Variants in ATP5MF observed in about 807,000 individuals in gnomAD.
ATP5MF encodes ATP synthase F(0) complex subunit f, mitochondrial.
A neutral mutation model predicts 13.8 loss-of-function variants in ATP5MF; 10 were observed. That is an observed-to-expected ratio of 0.72 (90% CI 0.45 to 1.23). The LOEUF (loss-of-function observed/expected upper bound fraction) is 1.23, where lower values mean the gene tolerates loss of function less well. Among genes scored for constraint, ATP5MF ranks in the 50% most tolerant of loss-of-function variants. The pLI is 0.00. For missense variants in ATP5MF, 122 were observed against 118.2 expected, an observed-to-expected ratio of 1.03 and a Z score of -0.15; for synonymous variants, 40 against 45.8, an observed-to-expected ratio of 0.87 and a Z score of 0.51.
At chr7:99,458,675 TA>T (rs921369359) in intron 3 of ATP5MF, among the ~76,000 whole-genome samples, 2 of 151,384 alleles carry the variant, frequency 1.3e-5, no homozygotes, top group Admixed American at 1.3e-4. Flanking sequence ...GAGGTGGGGG[TA>T]GGGGGTGTAC....
intron 1 of ATP5MF, chr7:99,460,653 C>G (rs1413080916): frequency 4.9e-6 from 2 of 404,460 alleles, no homozygotes; most frequent in African/African-American, 2.1e-5. Flanking sequence ...GGGGTCAGGA[C>G]TGGCCCTCCT....
intron 1 of ATP5MF, among the ~76,000 whole-genome samples, chr7:99,462,869 C>T (rs1273821650): frequency 1.3e-5 from 2 of 152,222 alleles, no homozygotes; most frequent in South Asian, 2.1e-4. Flanking sequence ...TACACACACC[C>T]GCTCCTCTGC....
chr7:99,466,135 A>T lies in ATP5MF; in HGVS notation c.7T>A (p.Ser3Thr). The change falls in exon 1 of 4, where the codon TCA becomes ACA. Residue 3 changes from serine (S) to threonine (T), a missense_variant. Transcript: ENST00000292475. MA[S>T]VGECPAPVPV... ...CCTGGGGCCGGACACTCACCAACTG[A>T]CGCCATTTTGGAGTCCTGGTGTCCG... 2 of 1,614,126 alleles carry T rather than the reference A, an allele frequency of 1.2e-6. No individual in the cohort carries two copies. Among genetic ancestry groups the T allele is most frequent in the Non-Finnish European group, 1.7e-6 (2 of 1,180,016 alleles).
chr7:99,464,390 G>A (rs1012473691), intron 1 of ATP5MF, among the ~76,000 whole-genome samples: 37 of 152,222 alleles, frequency 2.4e-4, no homozygotes, highest in Non-Finnish European at 3.7e-4. Flanking sequence ...GAGGCCGGGC[G>A]CAGTGGCTCA....
At chr7:99,465,118 G>A (rs1320826044) in intron 1 of ATP5MF, among the ~76,000 whole-genome samples, 1 of 151,848 alleles carries the variant, frequency 6.6e-6, no homozygotes, top group Non-Finnish European at 1.5e-5. Context: ...AAATTAGCTG[G>A]GCATGGTGGC....
intron 1 of ATP5MF, among the ~76,000 whole-genome samples, chr7:99,463,487 A>G (rs1458870915): frequency 1.3e-5 from 2 of 152,152 alleles, no homozygotes; most frequent in Non-Finnish European, 2.9e-5. Flanking sequence ...AAAACAAAAA[A>G]CCATTCTAGG....
chr7:99,461,428 T>C (rs540233050), intron 1 of ATP5MF, among the ~76,000 whole-genome samples: 8 of 152,166 alleles, frequency 5.3e-5, no homozygotes, highest in Middle Eastern at 3.4e-3. Context: ...GCAAAGAGTC[T>C]AGGACCACGG....
At position 99,459,254 on chromosome 7, in the gene ATP5MF, C is replaced by G; in HGVS notation, c.149G>C (p.Arg50Pro). ...CACATTGATGTACTTGTTGTAGTACCGGTAGTAACCTGCAAACGCAAGAGG... is the reference window on the plus strand; with the variant it reads ...CACATTGATGTACTTGTTGTAGTACGGGTAGTAACCTGCAAACGCAAGAGG... Reference protein sequence around the residue: ...IFGAFQRGYYRYYNKYINVKK... With the variant: ...IFGAFQRGYYPYYNKYINVKK... Residue 50 changes from arginine to proline, a missense_variant, in exon 3 of 4, where the codon CGG (arginine) becomes CCG (proline). Transcript: ENST00000292475. The G allele has an allele frequency of 1.2e-6, 2 of 1,613,248 alleles. No individual in the cohort carries two copies. The highest frequency in any genetic ancestry group is 1.7e-6 in the Non-Finnish European group (2 of 1,179,204).
At chr7:99,464,928 G>C (rs1798788645) in intron 1 of ATP5MF, among the ~76,000 whole-genome samples, 1 of 151,770 alleles carries the variant, frequency 6.6e-6, no homozygotes. Flanking sequence ...ATCAGCTACT[G>C]CACTCTAGCC....
chr7:99,466,090 A>G, intron 1 of ATP5MF, 21 bp downstream of exon 1: 1 of 1,613,988 alleles, frequency 6.2e-7, no homozygotes, highest in Non-Finnish European at 8.5e-7. Context: ...TGCTTCCACC[A>G]CGGAGTCCAA....
rs1413755154 is a variant in ATP5MF, at chr7:99,459,340, T to C, written c.140-77A>G. 3 of 1,096,290 alleles carry C rather than the reference T, an allele frequency of 2.7e-6. No homozygotes were observed. In the East Asian group the frequency reaches 7.1e-5, roughly 26 times the overall value. The allele number at this position is 1,096,290 out of a possible 1,614,324, so 67.9% of individuals were successfully genotyped here. A position where few individuals can be genotyped will look rare whatever the true frequency, so the allele number is the denominator to read the frequency against. On this transcript the variant is annotated intron_variant, in intron 2 of 3. Transcript: ENST00000292475. ...AGTTGAGCACACAGTTGAGTCTGGC[T>C]GACATTCAGGGACCTAGTCCTGCTC... is the stretch of plus-strand genomic sequence containing the variant.
chr7:99,462,707 A>G (rs1278402962), intron 1 of ATP5MF, among the ~76,000 whole-genome samples: 1 of 152,168 alleles, frequency 6.6e-6, no homozygotes, highest in Admixed American at 6.5e-5. Flanking sequence ...CCTGGGAGGT[A>G]GAGGTTGCAG....
intron 3 of ATP5MF, 133 bp from the exon 4 acceptor site, chr7:99,458,488 C>A: frequency 1.1e-6 from 1 of 900,182 alleles, no homozygotes; most frequent in South Asian, 1.9e-5. Context: ...ACCCGCCTGC[C>A]GGTGTCTCTG....
intron 1 of ATP5MF, chr7:99,460,635 C>T (rs1584530207): frequency 4.5e-6 from 2 of 441,558 alleles, no homozygotes; most frequent in Admixed American, 2.4e-5. Context: ...AAGTCACACA[C>T]ACAACGTGGG....
chr7:99,462,610 A>G (rs1798667507), intron 1 of ATP5MF, among the ~76,000 whole-genome samples: 1 of 151,888 alleles, frequency 6.6e-6, no homozygotes, highest in African/African-American at 2.4e-5. Context: ...CCTCATCTCT[A>G]CTAAAAATAC....
At chr7:99,463,719 T>G (rs1798717045) in intron 1 of ATP5MF, among the ~76,000 whole-genome samples, 1 of 152,118 alleles carries the variant, frequency 6.6e-6, no homozygotes, top group African/African-American at 2.4e-5. Flanking sequence ...GAGGTTGCAC[T>G]GAGCTGAGAT....
intron 1 of ATP5MF, 46 bp from the exon 2 acceptor site, chr7:99,460,239 G>T: frequency 6.2e-7 from 1 of 1,604,918 alleles, no homozygotes; most frequent in Non-Finnish European, 8.5e-7. Flanking sequence ...TAATCTCCCA[G>T]TAACACATAT....
At chr7:99,461,896 G>A (rs1350073468) in intron 1 of ATP5MF, among the ~76,000 whole-genome samples, 3 of 150,706 alleles carry the variant, frequency 2.0e-5, no homozygotes, top group African/African-American at 7.3e-5. Flanking sequence ...GACCTCAGGC[G>A]ATCTGCCCAC....
chr7:99,462,045 A>AG (rs1354772432), intron 1 of ATP5MF, among the ~76,000 whole-genome samples: 4 of 152,054 alleles, frequency 2.6e-5, no homozygotes, highest in Admixed American at 2.6e-4. Flanking sequence ...TACCATGTTC[A>AG]GGGGCTGGCA....
Sources: gnomAD v4.1 joint callset for allele counts (sites outside exome capture counted in the v4.1 genomes callset) on GRCh38, gnomAD v4.1.1 for gene constraint, MANE v1.5 for transcripts, NCBI Gene and HGNC (gene_info 2026-07-23, HGNC 2026-07-21) for gene names.